NACC2: variants seen among roughly 807,000 people sequenced by gnomAD.
The protein encoded by NACC2 is nucleus accumbens-associated protein 2.
In NACC2, 8 loss-of-function variants were observed where a neutral mutation model predicts 25.1. The observed-to-expected ratio is 0.32, with a 90% CI of 0.19 to 0.57. The LOEUF is 0.57. NACC2 is among the 20% of genes least tolerant of loss of function. NACC2 has a pLI of 0.89. For synonymous variants in NACC2, 435 were observed against 294.7 expected, an observed-to-expected ratio of 1.48 and a Z score of -4.88; for missense variants, 644 against 650.2, an observed-to-expected ratio of 0.99 and a Z score of 0.10.
chr9:136,013,877 T>C lies in NACC2; in HGVS notation c.1144A>G (p.Thr382Ala). 2 of 1,612,664 alleles carry C rather than the reference T, an allele frequency of 1.2e-6. No individual in the cohort carries two copies. Among genetic ancestry groups the C allele is most frequent in the Non-Finnish European group, 1.7e-6 (2 of 1,179,898 alleles). Residue 382 changes from threonine (T) to alanine (A), a missense_variant, in exon 4 of 6, where the codon ACC becomes GCC. Physicochemically the swap from Thr to Ala is moderately conservative, Grantham distance 58. Transcript: ENST00000277554. The surrounding 1 kb of genome is among the most constrained non-coding windows in gnomAD (Gnocchi z 6.6). The part of the protein sequence containing the change: ...HKVLLRRLLA[T>A]FFDRNTLANS... ...GCCCCGACCTACCTGTCAAAGAAGG[T>C]GGCCAGGAGCCTCCGCAGCAAGACC...
chr9:136,063,899 A>G (rs1412068030), intron 1 of NACC2, among the ~76,000 whole-genome samples: 2 of 143,794 alleles, frequency 1.4e-5, no homozygotes, highest in Non-Finnish European at 3.1e-5. Context: ...AAAAAAAAAC[A>G]AAAAAAACAA....
chr9:136,013,391 T>C lies in NACC2; in HGVS notation c.1158-95A>G. On this transcript the variant is annotated intron_variant, in intron 4 of 5. Coordinates refer to ENST00000277554, the MANE Select transcript of NACC2 (RefSeq NM_144653.5). This position sits in a 1 kb window ranked among gnomAD's most constrained non-coding sequence, Gnocchi z 6.6. ...CACGAATGCCCTGCTGGGAGGCCAC[T>C]TGGCCTCACCCTTGGCTGGTCTGCG... 8.8e-7 allele frequency: 1 copy of C among 1,139,036 alleles called. No individual in the cohort carries two copies. The highest frequency in any genetic ancestry group is 1.4e-5 in the South Asian group (1 of 72,952). 70.6% of individuals were successfully genotyped at this position (1,139,036 alleles called of 1,614,324 possible). A position where few individuals can be genotyped will look rare whatever the true frequency, so the allele number is the denominator to read the frequency against.
At chr9:136,047,520 T>A (rs906024052) in intron 2 of NACC2, among the ~76,000 whole-genome samples, 29 of 152,086 alleles carry the variant, frequency 1.9e-4, no homozygotes, top group African/African-American at 7.0e-4. Flanking sequence ...CTCGCTGGCA[T>A]CAGCGACACC....
intron 2 of NACC2, among the ~76,000 whole-genome samples, chr9:136,042,724 A>G (rs1430257446): frequency 2.0e-5 from 3 of 151,474 alleles, no homozygotes; most frequent in Non-Finnish European, 2.9e-5. Context: ...ACACACACAC[A>G]GACACAGACA....
chr9:136,056,169 C>T (rs1266207081), intron 1 of NACC2, among the ~76,000 whole-genome samples: 1 of 152,190 alleles, frequency 6.6e-6, no homozygotes, highest in Admixed American at 6.5e-5. Context: ...GTGCCAGGGC[C>T]TCAGGGAGCT....
intron 2 of NACC2, among the ~76,000 whole-genome samples, chr9:136,028,210 C>A (rs1840422298): frequency 1.6e-5 from 2 of 123,914 alleles, no homozygotes; most frequent in South Asian, 4.9e-4. Flanking sequence ...AACTCCATCT[C>A]CAAAAAAAAA....
chr9:136,032,146 T>C (rs777971070), intron 2 of NACC2, among the ~76,000 whole-genome samples: 1 of 152,198 alleles, frequency 6.6e-6, no homozygotes, highest in Non-Finnish European at 1.5e-5. Context: ...GATCCATGGC[T>C]CTGGAGAGCC....
chr9:136,031,633 C>T (rs932942131), intron 2 of NACC2, among the ~76,000 whole-genome samples: 20 of 152,142 alleles, frequency 1.3e-4, no homozygotes, highest in African/African-American at 4.6e-4. Flanking sequence ...CCACTGTGCC[C>T]GGCCCACGGC....
chr9:136,033,054 T>C (rs1023472244), intron 2 of NACC2, among the ~76,000 whole-genome samples: 1 of 151,888 alleles, frequency 6.6e-6, no homozygotes, highest in Non-Finnish European at 1.5e-5. Flanking sequence ...CACACACCTG[T>C]AATTCCAGCT....
Position 136,011,313 on chromosome 9 carries a change from G to A in NACC2, c.*203C>T, listed in dbSNP as rs1049041528. On this transcript the variant is annotated 3_prime_UTR_variant, in exon 6 of 6. Coordinates refer to ENST00000277554, the MANE Select transcript of NACC2 (RefSeq NM_144653.5). ...AGCCCTGGGAACTTCCTCGCAGGAG[G>A]CTGCCAGTGGCCTAATTGTTTACAG... 1.4e-5 allele frequency: 7 copies of A among 498,350 alleles called. No homozygotes were observed. The highest frequency in any genetic ancestry group is 1.8e-5 in the Non-Finnish European group (6 of 324,922). The allele number at this position is 498,350 out of a possible 1,614,324, so 30.9% of individuals were successfully genotyped here.
intron 1 of NACC2, among the ~76,000 whole-genome samples, chr9:136,066,833 G>A (rs180901713): frequency 1.3e-5 from 2 of 151,840 alleles, no homozygotes; most frequent in Admixed American, 1.3e-4. Context: ...ACGGATGAGC[G>A]CTACGCTAAG....
At chr9:136,091,027 C>T (rs1173764914) in intron 1 of NACC2, among the ~76,000 whole-genome samples, 7 of 152,220 alleles carry the variant, frequency 4.6e-5, no homozygotes, top group African/African-American at 1.4e-4. Context: ...GCCAGGGCCC[C>T]GCACTGGGGG....
rs1840263564 is a variant in NACC2, at chr9:136,019,905, A to C, written c.887-3476T>G. On this transcript the variant is annotated intron_variant, in intron 2 of 5. Transcript: ENST00000277554. This position sits in a 1 kb window ranked among gnomAD's most constrained non-coding sequence, Gnocchi z 5.2. ...CCACACTCAGGAAGCTGCCAGACACAGAAGGACACATCCCGGGGCTCCACT... is the reference window on the plus strand; with the variant it reads ...CCACACTCAGGAAGCTGCCAGACACCGAAGGACACATCCCGGGGCTCCACT... Among the ~76,000 whole-genome samples, 1 of 151,372 alleles carries C rather than the reference A, an allele frequency of 6.6e-6. No individual in the cohort carries two copies. Among genetic ancestry groups the C allele is most frequent in the Non-Finnish European group, 1.5e-5 (1 of 67,826 alleles).
chr9:136,038,004 T>C (rs1840579180), intron 2 of NACC2, among the ~76,000 whole-genome samples: 1 of 152,204 alleles, frequency 6.6e-6, no homozygotes, highest in Admixed American at 6.5e-5. Flanking sequence ...GGAATACTAC[T>C]TACTCAGCAA....
Position 136,050,307 on chromosome 9 carries a change from G to C in NACC2, c.215C>G (p.Ser72Cys). ...NSKSAFELPG[S>C]VPPACFQQIL... is the part of the protein sequence containing the mutation. ...CTGCTGGAAGCAGGCGGGCGGCACG[G>C]AGCCGGGCAGCTCGAAGGCGCTCTT... is the stretch of plus-strand genomic sequence containing the variant. Residue 72 changes from serine (S) to cysteine (C), a missense_variant, in exon 2 of 6, where the codon TCC (serine) becomes TGC (cysteine). Transcript: ENST00000277554. The C allele has an allele frequency of 1.3e-6, 1 of 743,066 alleles. No homozygotes were observed. The highest frequency in any genetic ancestry group is 2.5e-6 in the Non-Finnish European group (1 of 403,648). The allele number at this position is 743,066 out of a possible 1,614,324, so 46.0% of individuals were successfully genotyped here.
chr9:136,089,432 G>C (rs1830413363), intron 1 of NACC2, among the ~76,000 whole-genome samples: 1 of 152,040 alleles, frequency 6.6e-6, no homozygotes, highest in Non-Finnish European at 1.5e-5. Flanking sequence ...ACAGACTTCA[G>C]AGAACTCAAG....
At chr9:136,044,461 C>T (rs1462416307) in intron 2 of NACC2, among the ~76,000 whole-genome samples, 2 of 152,124 alleles carry the variant, frequency 1.3e-5, no homozygotes, top group African/African-American at 2.4e-5. Context: ...GAACCCTTCA[C>T]CCCCGACCCC....
Position 136,022,243 on chromosome 9 carries a change from G to A in NACC2, c.887-5814C>T, listed in dbSNP as rs978245388. Among the ~76,000 whole-genome samples, 13 of 152,210 alleles carry A rather than the reference G, an allele frequency of 8.5e-5. No homozygotes were observed. Among genetic ancestry groups the A allele is most frequent in the African/African-American group, 1.9e-4 (8 of 41,442 alleles). The stretch of plus-strand genomic sequence containing the variant: ...GGGGCAATGTGGGGGCACCACAGAC[G>A]GGTGACCAGGCCCGGGTGATGAGGT... On this transcript the variant is annotated intron_variant, in intron 2 of 5. Coordinates refer to ENST00000277554, the MANE Select transcript of NACC2 (RefSeq NM_144653.5). This position sits in a 1 kb window ranked among gnomAD's most constrained non-coding sequence, Gnocchi z 4.4.
Position 136,013,116 on chromosome 9 carries a change from C to T in NACC2, c.1255+83G>A. 6.4e-6 allele frequency: 8 copies of T among 1,242,806 alleles called. No individual in the cohort carries two copies. Among genetic ancestry groups the T allele is most frequent in the Non-Finnish European group, 9.2e-6 (8 of 873,410 alleles). The allele number at this position is 1,242,806 out of a possible 1,614,324, so 77.0% of individuals were successfully genotyped here. A position where few individuals can be genotyped will look rare whatever the true frequency, so the allele number is the denominator to read the frequency against. On this transcript the variant is annotated intron_variant, in intron 5 of 5. Transcript: ENST00000277554. The surrounding 1 kb of genome is among the most constrained non-coding windows in gnomAD (Gnocchi z 6.6). ...GAAGCTGCAGGTGGCCGGGAGCACC[C>T]CCGCGGCCCACCCAGTCCTCCTCAG...
Sources: allele counts gnomAD v4.1 joint callset (sites outside exome capture counted in the v4.1 genomes callset), GRCh38; gene constraint gnomAD v4.1.1; non-coding constraint Gnocchi (gnomAD v3.1); transcripts MANE v1.5; gene names NCBI Gene and HGNC (gene_info 2026-07-23, HGNC 2026-07-21).